Variants in NCKAP5 observed in about 807,000 individuals in gnomAD.
The protein encoded by NCKAP5 is nck-associated protein 5.
A neutral mutation model predicts 167.0 loss-of-function variants in NCKAP5; 92 were observed. That is an observed-to-expected ratio of 0.55 (90% CI 0.47 to 0.66). The LOEUF is 0.66. NCKAP5 is among the 30% of genes least tolerant of loss of function. The pLI is 0.00. For missense variants in NCKAP5, 2,378 were observed against 2,315.0 expected, an observed-to-expected ratio of 1.03 and a Z score of -0.56; for synonymous variants, 891 against 877.4, an observed-to-expected ratio of 1.02 and a Z score of -0.27.
intron 19 of NCKAP5, among the ~76,000 whole-genome samples, chr2:132,688,365 T>G (rs1195065719): frequency 6.6e-6 from 1 of 152,226 alleles, no homozygotes; most frequent in East Asian, 1.9e-4. Context: ...GTGCCCCATT[T>G]GAATAATAAA....
At chr2:132,869,283 A>T (rs1014025090) in intron 9 of NCKAP5, among the ~76,000 whole-genome samples, 5 of 152,212 alleles carry the variant, frequency 3.3e-5, no homozygotes, top group African/African-American at 1.2e-4. Flanking sequence ...AAGGCTAAAA[A>T]ATGATATAGT....
At chr2:132,844,356 G>A (rs1574399733) in intron 11 of NCKAP5, among the ~76,000 whole-genome samples, 1 of 152,054 alleles carries the variant, frequency 6.6e-6, no homozygotes. Context: ...CTACAAGAAA[G>A]ATAAACTCTT....
chr2:132,942,120 T>C (rs1428186381), intron 8 of NCKAP5, among the ~76,000 whole-genome samples: 1 of 152,232 alleles, frequency 6.6e-6, no homozygotes, highest in Non-Finnish European at 1.5e-5. Context: ...TAAAAATAAG[T>C]TTTGATAAAC....
chr2:132,902,417 A>G (rs1233842798), intron 8 of NCKAP5, among the ~76,000 whole-genome samples: 1 of 152,222 alleles, frequency 6.6e-6, no homozygotes, highest in Non-Finnish European at 1.5e-5. Context: ...CTTTAAAAAT[A>G]CTGACAGGAA....
chr2:132,846,749 G>T (rs1008572979), intron 11 of NCKAP5, among the ~76,000 whole-genome samples: 1 of 152,128 alleles, frequency 6.6e-6, no homozygotes, highest in Non-Finnish European at 1.5e-5. Flanking sequence ...GAGACCTAAA[G>T]AATTTAAATG....
chr2:133,423,658 T>G (rs1689620742), intron 3 of NCKAP5, among the ~76,000 whole-genome samples: 1 of 152,270 alleles, frequency 6.6e-6, no homozygotes, highest in South Asian at 2.1e-4. Context: ...CTTTAGTTGG[T>G]TTTTAAAGGC....
chr2:133,361,008 C>A (rs141387424), intron 3 of NCKAP5, among the ~76,000 whole-genome samples: 278 of 150,870 alleles, frequency 1.8e-3, no homozygotes, highest in African/African-American at 5.8e-3. Context: ...AATGGGCAGA[C>A]CCAAGCAGGA....
At chr2:132,905,687 A>G (rs949262682) in intron 8 of NCKAP5, among the ~76,000 whole-genome samples, 4 of 152,176 alleles carry the variant, frequency 2.6e-5, no homozygotes, top group African/African-American at 9.7e-5. Flanking sequence ...ATAGTATTTT[A>G]TAACCTTCAT....
At chr2:133,553,098 C>T (rs188794901) in intron 2 of NCKAP5, among the ~76,000 whole-genome samples, 1 of 152,134 alleles carries the variant, frequency 6.6e-6, no homozygotes, top group Admixed American at 6.5e-5. Context: ...AAAATACACA[C>T]AAAAACCAAA....
chr2:133,589,996 TC>T, the NCKAP5 span, among the ~76,000 whole-genome samples: 5 of 152,160 alleles, frequency 3.3e-5, no homozygotes, highest in Non-Finnish European at 7.3e-5. Flanking sequence ...AACTGAAGCC[TC>T]CTTTGCCCTG....
At chr2:133,273,596 ACT>A in intron 4 of NCKAP5, among the ~76,000 whole-genome samples, 1 of 152,118 alleles carries the variant, frequency 6.6e-6, no homozygotes, top group East Asian at 1.9e-4. Context: ...GGTTAGAAGG[ACT>A]CTGATACCAA....
rs184665793 is a variant in NCKAP5, at chr2:133,025,981, C to A, written c.342-31742G>T. Among the ~76,000 whole-genome samples the A allele has an allele frequency of 3.9e-5, 6 of 152,260 alleles. No individual in the cohort carries two copies. The South Asian group carries it at 6.2e-4, about 16-fold the overall frequency. On this transcript the variant is annotated intron_variant, in intron 6 of 19. Coordinates refer to ENST00000409261, the MANE Select transcript of NCKAP5 (RefSeq NM_207363.3). ...ATTTTTCCTGATGTTCTCCCTCCCC[C>A]TCTCCTCCGACAGGCCCCAAGCCTC...
intron 4 of NCKAP5, among the ~76,000 whole-genome samples, chr2:133,256,288 T>C (rs2088614855): frequency 1.3e-5 from 2 of 152,112 alleles, no homozygotes; most frequent in African/African-American, 2.4e-5. Context: ...CTCGATAATA[T>C]AAAAATAGAA....
At position 133,303,386 on chromosome 2, in the gene NCKAP5, A is replaced by G. The variant is rs896073398; in HGVS notation, c.70-276T>C. 2.6e-5 allele frequency among the ~76,000 whole-genome samples: 4 copies of G among 152,210 alleles called. No homozygotes were observed. In the East Asian group the frequency reaches 7.7e-4, roughly 29 times the overall value. Reference sequence around the variant, plus strand: ...CACAGAAGAAAGGCCTAAATTTCATAGTCATCTAAACTGGAGTCTGTGTTC... The same window carrying G: ...CACAGAAGAAAGGCCTAAATTTCATGGTCATCTAAACTGGAGTCTGTGTTC... On this transcript the variant is annotated intron_variant, in intron 3 of 19. Coordinates refer to ENST00000409261, the MANE Select transcript of NCKAP5 (RefSeq NM_207363.3).
chr2:133,537,424 T>C lies in NCKAP5; in HGVS notation c.-61-19837A>G, dbSNP rs749212090. ...ATCTTAACAATGCTCAGTCTTCTGG[T>C]CCATGAAAATTTGATGTCTTTCCAT... On this transcript the variant is annotated intron_variant, in intron 2 of 19. Coordinates refer to ENST00000409261, the MANE Select transcript of NCKAP5 (RefSeq NM_207363.3). Among the ~76,000 whole-genome samples, 40 of 152,114 alleles carry C rather than the reference T, an allele frequency of 2.6e-4. 1 individual carries two copies. Among genetic ancestry groups the C allele is most frequent in the Non-Finnish European group, 4.7e-4 (32 of 67,950 alleles).
intron 16 of NCKAP5, among the ~76,000 whole-genome samples, chr2:132,739,976 T>C (rs73957636): frequency 0.028 from 4,289 of 152,282 alleles, 168 homozygotes; most frequent in East Asian, 0.16. Context: ...CCCAGATTAC[T>C]ACACCATGAT....
intron 3 of NCKAP5, among the ~76,000 whole-genome samples, chr2:133,308,292 T>C (rs181910624): frequency 3.3e-5 from 5 of 150,948 alleles, no homozygotes; most frequent in Non-Finnish European, 5.9e-5. Flanking sequence ...GTTTCACCAT[T>C]TTAGCCGGGA....
intron 3 of NCKAP5, among the ~76,000 whole-genome samples, chr2:133,346,991 G>C (rs1362039932): frequency 6.6e-6 from 1 of 152,182 alleles, no homozygotes; most frequent in Non-Finnish European, 1.5e-5. Context: ...GGTGGGCCCT[G>C]CCCTGAAAAT....
chr2:133,558,726 A>AAAAAAAAAAAAAC (rs1575157507), intron 2 of NCKAP5, among the ~76,000 whole-genome samples: 1 of 144,758 alleles, frequency 6.9e-6, no homozygotes, highest in African/African-American at 2.6e-5. Flanking sequence ...AAAAAAAAAA[A>AAAAAAAAAAAAAC]GCCCATATGG....
Sources: allele counts gnomAD v4.1 joint callset (sites outside exome capture counted in the v4.1 genomes callset), GRCh38; gene constraint gnomAD v4.1.1; transcripts MANE v1.5; gene names NCBI Gene and HGNC (gene_info 2026-07-23, HGNC 2026-07-21).